Variants in PARPBP observed in about 807,000 individuals in gnomAD.
The protein encoded by PARPBP is PARP1 binding protein.
A neutral mutation model predicts 50.0 loss-of-function variants in PARPBP; 52 were observed. The ratio of observed to expected loss-of-function variants is 1.04; its 90% CI spans 0.83 to 1.31. The LOEUF (loss-of-function observed/expected upper bound fraction) is 1.31. Ranked by LOEUF, PARPBP falls within the 50% of genes most tolerant of loss-of-function variation. PARPBP has a pLI of 0.00. For synonymous variants in PARPBP, 244 were observed against 232.1 expected, an observed-to-expected ratio of 1.05 and a Z score of -0.47; for missense variants, 697 against 672.0, an observed-to-expected ratio of 1.04 and a Z score of -0.41.
In PARPBP at chr12:102,197,337, A is replaced by C; in HGVS notation, c.*1046A>C. ...TATAGGAGAAAAAACACTTTCAGAT[A>C]AGAGGTGTTTGCTGGGATGGAAGAA... On this transcript the variant is annotated 3_prime_UTR_variant, in exon 11 of 11. Coordinates refer to ENST00000327680, the MANE Select transcript of PARPBP (RefSeq NM_017915.5). 3 of 815,242 alleles carry C rather than the reference A, an allele frequency of 3.7e-6. No homozygotes were observed. Among genetic ancestry groups the C allele is most frequent in the Non-Finnish European group, 5.7e-6 (3 of 529,128 alleles). 50.5% of individuals were successfully genotyped at this position (815,242 alleles called of 1,614,324 possible). A position where few individuals can be genotyped will look rare whatever the true frequency, so the allele number is the denominator to read the frequency against.
intron 6 of PARPBP, among the ~76,000 whole-genome samples, chr12:102,170,397 G>A (rs1888570454): frequency 6.6e-6 from 1 of 152,162 alleles, no homozygotes; most frequent in South Asian, 2.1e-4. Context: ...TAGGCTATAT[G>A]GCATAGCCTA....
Position 102,196,344 on chromosome 12 carries a change from AC to A in PARPBP, c.*54del, listed in dbSNP as rs1891318432. The A allele has an allele frequency of 8.5e-7, 1 of 1,177,012 alleles. No individual in the cohort carries two copies. Among genetic ancestry groups the A allele is most frequent in the Non-Finnish European group, 1.2e-6 (1 of 828,320 alleles). The allele number at this position is 1,177,012 out of a possible 1,614,324, so 72.9% of individuals were successfully genotyped here. On this transcript the variant is annotated 3_prime_UTR_variant, in exon 11 of 11. Transcript: ENST00000327680. The stretch of plus-strand genomic sequence containing the variant: ...TGTATCTATAAACCATTCACCAAAG[AC>A]ATGCTTAATTTTTAAGAGATCAAGG...
At chr12:102,155,928 C>T (rs1478533770) in intron 4 of PARPBP, among the ~76,000 whole-genome samples, 2 of 152,282 alleles carry the variant, frequency 1.3e-5, no homozygotes, top group South Asian at 2.1e-4. Context: ...TCATCCTAAT[C>T]GAGCTGAACA....
intron 2 of PARPBP, among the ~76,000 whole-genome samples, chr12:102,130,177 A>G (rs1882626168): frequency 6.6e-6 from 1 of 152,228 alleles, no homozygotes; most frequent in African/African-American, 2.4e-5. Flanking sequence ...TGCTGGGATA[A>G]CTGGCTAACC....
intron 2 of PARPBP, among the ~76,000 whole-genome samples, chr12:102,141,119 A>T (rs1884520291): frequency 6.6e-6 from 1 of 152,210 alleles, no homozygotes; most frequent in African/African-American, 2.4e-5. Context: ...TGGGAGTCTA[A>T]GTCTCTTGAT....
intron 2 of PARPBP, among the ~76,000 whole-genome samples, chr12:102,141,889 C>A (rs1884661209): frequency 6.6e-6 from 1 of 152,152 alleles, no homozygotes; most frequent in Admixed American, 6.5e-5. Context: ...TTGTGAGTAA[C>A]CTGACCTTTC....
intron 2 of PARPBP, among the ~76,000 whole-genome samples, chr12:102,146,130 G>C (rs1024827171): frequency 1.3e-5 from 2 of 152,148 alleles, no homozygotes; most frequent in African/African-American, 4.8e-5. Flanking sequence ...GGTGAAAATG[G>C]CCATACTGCC....
At chr12:102,129,926 A>G (rs2137324002) in intron 2 of PARPBP, among the ~76,000 whole-genome samples, 1 of 152,300 alleles carries the variant, frequency 6.6e-6, no homozygotes, top group Middle Eastern at 3.4e-3. Context: ...AAAGACCCCA[A>G]ATAGCTAAGG....
chr12:102,134,393 G>C (rs887630689), intron 2 of PARPBP, among the ~76,000 whole-genome samples: 1 of 152,042 alleles, frequency 6.6e-6, no homozygotes, highest in Non-Finnish European at 1.5e-5. Flanking sequence ...TATCTACCAA[G>C]ACTACATCAT....
chr12:102,144,243 TATG>T (rs1270039022), intron 2 of PARPBP, among the ~76,000 whole-genome samples: 4 of 152,202 alleles, frequency 2.6e-5, no homozygotes, highest in African/African-American at 9.6e-5. Flanking sequence ...ATTAGAAAAA[TATG>T]ATATAATGTA....
intron 1 of PARPBP, among the ~76,000 whole-genome samples, chr12:102,122,610 G>T (rs553811728): frequency 6.6e-6 from 1 of 152,298 alleles, no homozygotes; most frequent in South Asian, 2.1e-4. Flanking sequence ...AAAGGAATTG[G>T]ATGCCTTATA....
intron 7 of PARPBP, among the ~76,000 whole-genome samples, chr12:102,177,882 A>G (rs1379997339): frequency 1.3e-5 from 2 of 152,176 alleles, no homozygotes; most frequent in Non-Finnish European, 2.9e-5. Context: ...CTGGTCCCTG[A>G]AAGCACCATG....
chr12:102,142,553 G>A (rs1434931232), intron 2 of PARPBP, among the ~76,000 whole-genome samples: 1 of 152,176 alleles, frequency 6.6e-6, no homozygotes, highest in African/African-American at 2.4e-5. Context: ...CATTCCTTTG[G>A]AGGAGAAGAG....
At chr12:102,177,032 T>C (rs921511382) in intron 7 of PARPBP, among the ~76,000 whole-genome samples, 1 of 152,226 alleles carries the variant, frequency 6.6e-6, no homozygotes, top group African/African-American at 2.4e-5. Flanking sequence ...AATTTCATGT[T>C]TTCAACCAAA....
In PARPBP at chr12:102,196,331, C is replaced by G. The variant is rs1891317214; in HGVS notation, c.*40C>G. 7.9e-7 allele frequency: 1 copy of G among 1,271,380 alleles called. No individual in the cohort carries two copies. The highest frequency in any genetic ancestry group is 1.5e-5 in the African/African-American group (1 of 66,524). The allele number at this position is 1,271,380 out of a possible 1,614,324, so 78.8% of individuals were successfully genotyped here. The stretch of plus-strand genomic sequence containing the variant: ...TGCTTTAGGTTTATGTATCTATAAA[C>G]CATTCACCAAAGACATGCTTAATTT... On this transcript the variant is annotated 3_prime_UTR_variant, in exon 11 of 11. Coordinates refer to ENST00000327680, the MANE Select transcript of PARPBP (RefSeq NM_017915.5).
rs144580828 is a variant in PARPBP at position 102,165,882 on chromosome 12, A to C, written c.820A>C (p.Ser274Arg). The C allele has an allele frequency of 1.3e-5, 19 of 1,519,556 alleles. 1 individual carries two copies. In the African/African-American group the frequency reaches 2.5e-4, roughly 20 times the overall value. 94.1% of individuals were successfully genotyped at this position (1,519,556 alleles called of 1,614,324 possible). A position where few individuals can be genotyped will look rare whatever the true frequency, so the allele number is the denominator to read the frequency against. ...GATTCTTGGAGAAATACCAAACCCA[A>C]GGTAATGACTTTTCATATATTACAA... ...DEILGEIPNP[S>R]IAGGQILSVI... The change falls in exon 6 of 11, where the codon AGC becomes CGC. Residue 274 changes from serine (S) to arginine (R), a missense_variant and splice_region_variant. Physicochemically the swap from Ser to Arg is moderately radical, Grantham distance 110. Coordinates refer to ENST00000327680, the MANE Select transcript of PARPBP (RefSeq NM_017915.5).
intron 4 of PARPBP, among the ~76,000 whole-genome samples, chr12:102,157,891 C>T (rs146057956): frequency 0.025 from 3,826 of 151,886 alleles, 152 homozygotes; most frequent in African/African-American, 0.077. Flanking sequence ...GAGGCTGAGG[C>T]GAGTGGATCA....
At chr12:102,157,136 G>C (rs1240654009) in intron 4 of PARPBP, among the ~76,000 whole-genome samples, 1 of 150,590 alleles carries the variant, frequency 6.6e-6, no homozygotes, top group Non-Finnish European at 1.5e-5. Flanking sequence ...TCAAATACTT[G>C]TATGTCTCTT....
intron 4 of PARPBP, among the ~76,000 whole-genome samples, chr12:102,158,459 TTG>T (rs1342392644): frequency 6.6e-5 from 10 of 152,236 alleles, no homozygotes; most frequent in Non-Finnish European, 1.5e-4. Context: ...AAGCAGGTTT[TTG>T]TGTCTTTTTT....
Sources: allele counts gnomAD v4.1 joint callset (sites outside exome capture counted in the v4.1 genomes callset), GRCh38; gene constraint gnomAD v4.1.1; transcripts MANE v1.5; gene names NCBI Gene and HGNC (gene_info 2026-07-23, HGNC 2026-07-21).